The following C6orf163 variants were observed in gnomAD, a reference collection of about 807,000 sequenced individuals.
C6orf163 encodes chromosome 6 open reading frame 163.
In C6orf163, 22 loss-of-function variants were observed where a neutral mutation model predicts 28.4. The observed-to-expected ratio is 0.78, with a 90% CI of 0.55 to 1.11. C6orf163 has a LOEUF of 1.11. Ranked by LOEUF, C6orf163 falls within the 50% of genes least tolerant of loss-of-function variation. C6orf163 has a pLI of 0.00. For missense variants in C6orf163, 342 were observed against 389.1 expected (o/e 0.88, Z 1.02); for synonymous variants, 110 against 123.6 (o/e 0.89, Z 0.73).
chr6:87,365,253 C>G lies in C6orf163; in HGVS notation c.847C>G (p.Gln283Glu), dbSNP rs929634763. 5.2e-6 allele frequency: 8 copies of G among 1,551,568 alleles called. No homozygotes were observed. In the African/African-American group the frequency reaches 1.1e-4, roughly 21 times the overall value. Residue 283 changes from glutamine (Q) to glutamate (E), a missense_variant, in exon 5 of 5, where the codon CAG becomes GAG. Coordinates refer to ENST00000388923, the MANE Select transcript of C6orf163 (RefSeq NM_001010868.3). Reference protein sequence around the residue: ...NWKDFLEEELQETRMAFQKYI... With the variant: ...NWKDFLEEELEETRMAFQKYI... ...GAAAGATTTCCTAGAGGAGGAATTA[C>G]AGGAAACCAGGATGGCATTTCAAAA...
chr6:87,352,146 A>G (rs1777424535), intron 3 of C6orf163, among the ~76,000 whole-genome samples: 1 of 152,126 alleles, frequency 6.6e-6, no homozygotes, highest in African/African-American at 2.4e-5. Flanking sequence ...CATTTATACC[A>G]CCATTTCAGA....
chr6:87,349,015 G>A (rs1777372936), intron 2 of C6orf163, 109 bp downstream of exon 2: 1 of 1,379,276 alleles, frequency 7.3e-7, no homozygotes, highest in African/African-American at 1.5e-5. Context: ...CTGAATCCTG[G>A]CTAGCTGTGG....
Position 87,365,231 on chromosome 6 carries a change from A to G in C6orf163, c.825A>G (p.Lys275=), listed in dbSNP as rs1323143319. The change falls in exon 5 of 5, where the codon AAA becomes AAG. Residue 275 remains lysine, a synonymous_variant. Transcript: ENST00000388923. ...AKQLGIMTNW[K]DFLEEELQET... is the part of the protein sequence containing the mutation. ...AACTGGGAATCATGACAAATTGGAAAGATTTCCTAGAGGAGGAATTACAGG... is the reference window on the plus strand; with the variant it reads ...AACTGGGAATCATGACAAATTGGAAGGATTTCCTAGAGGAGGAATTACAGG... 1 of 1,551,752 alleles carries G rather than the reference A, an allele frequency of 6.4e-7. No homozygotes were observed. Among genetic ancestry groups the G allele is most frequent in the Admixed American group, 2.0e-5 (1 of 51,008 alleles).
intron 4 of C6orf163, among the ~76,000 whole-genome samples, chr6:87,361,515 GC>G (rs1777580345): frequency 6.6e-6 from 1 of 152,140 alleles, no homozygotes; most frequent in Non-Finnish European, 1.5e-5. Context: ...AGGAAAGTCA[GC>G]CCCACCTGGC....
chr6:87,364,493 G>T (rs1211226611), intron 4 of C6orf163, among the ~76,000 whole-genome samples: 4 of 152,084 alleles, frequency 2.6e-5, no homozygotes, highest in African/African-American at 9.7e-5. Flanking sequence ...CAAAAAGCTT[G>T]AGGTGACTGT....
chr6:87,350,923 C>T (rs1777402950), intron 3 of C6orf163, among the ~76,000 whole-genome samples: 2 of 152,236 alleles, frequency 1.3e-5, no homozygotes, highest in South Asian at 4.1e-4. Flanking sequence ...AATTCCCTGA[C>T]TTAGTAGGTG....
intron 3 of C6orf163, among the ~76,000 whole-genome samples, chr6:87,351,759 G>A (rs922750169): frequency 6.6e-6 from 1 of 152,162 alleles, no homozygotes; most frequent in Admixed American, 6.5e-5. Flanking sequence ...GGTCACCCTG[G>A]TTGCTTCCCC....
In C6orf163 at chr6:87,365,186, G is replaced by A. The variant is rs41273289; in HGVS notation, c.780G>A (p.Glu260=). ...ATAAACTGGCTAACACCCAGGGGGA[G>A]CTGCTGTCTATAGCAAAACAACTGG... ...MMDKLANTQG[E]LLSIAKQLGI... Residue 260 remains glutamate, a synonymous_variant, in exon 5 of 5, where the codon GAG becomes GAA. Coordinates refer to ENST00000388923, the MANE Select transcript of C6orf163 (RefSeq NM_001010868.3). 16,039 of 1,551,732 alleles carry A rather than the reference G, an allele frequency of 0.01. 1,377 individuals carry two copies. In the African/African-American group the frequency reaches 0.18, roughly 18 times the overall value.
At chr6:87,346,496 A>G (rs1052510318) in intron 1 of C6orf163, among the ~76,000 whole-genome samples, 2 of 152,190 alleles carry the variant, frequency 1.3e-5, no homozygotes, top group Non-Finnish European at 2.9e-5. Context: ...CCTTAAGTGG[A>G]TAAGTTAAAT....
At position 87,356,388 on chromosome 6, in the gene C6orf163, G is replaced by A. The variant is rs549899195; in HGVS notation, c.439G>A (p.Val147Ile). ...GCACTTGGCTGCAGAACAGCGCATG[G>A]TCCACAGAATCCAAAGGATTATGAT... ...REHLAAEQRMVHRIQRIMMEC... is the reference protein window; with the variant it reads ...REHLAAEQRMIHRIQRIMMEC... Residue 147 changes from valine to isoleucine, a missense_variant, in exon 4 of 5, where the codon GTC becomes ATC. By Grantham distance (29) the Val-to-Ile change is conservative (BLOSUM62 3). Coordinates refer to ENST00000388923, the MANE Select transcript of C6orf163 (RefSeq NM_001010868.3). The A allele has an allele frequency of 2.6e-6, 4 of 1,551,728 alleles. No individual in the cohort carries two copies. The highest frequency in any genetic ancestry group is 2.7e-5 in the African/African-American group (2 of 73,178).
chr6:87,344,958 T>A lies in C6orf163; in HGVS notation c.-142T>A. The stretch of plus-strand genomic sequence containing the variant: ...CCACAGCCTAATCACTTGAACCATT[T>A]AATCCTTACCAGCCTCTAGCATTAT... On this transcript the variant is annotated 5_prime_UTR_variant, in exon 1 of 5. Transcript: ENST00000388923. 3.1e-6 allele frequency: 2 copies of A among 649,604 alleles called. No homozygotes were observed. Among genetic ancestry groups the A allele is most frequent in the Non-Finnish European group, 5.1e-6 (2 of 388,622 alleles). The allele number at this position is 649,604 out of a possible 1,614,324, so 40.2% of individuals were successfully genotyped here. A position where few individuals can be genotyped will look rare whatever the true frequency, so the allele number is the denominator to read the frequency against.
Position 87,350,412 on chromosome 6 carries a change from C to A in C6orf163, c.262C>A (p.Gln88Lys). 6.5e-7 allele frequency: 1 copy of A among 1,532,618 alleles called. No homozygotes were observed. Among genetic ancestry groups the A allele is most frequent in the Non-Finnish European group, 8.7e-7 (1 of 1,144,380 alleles). The allele number at this position is 1,532,618 out of a possible 1,614,324, so 94.9% of individuals were successfully genotyped here. Residue 88 changes from glutamine (Q) to lysine (K), a missense_variant, in exon 3 of 5, where the codon CAA becomes AAA. Coordinates refer to ENST00000388923, the MANE Select transcript of C6orf163 (RefSeq NM_001010868.3). ...VWAQANERQK[Q>K]AVEKALEEAN... ...TTCAAAGGCTAATGAACGTCAAAAA[C>A]AAGCAGTGGAGAAAGCACTTGAAGA...
At chr6:87,358,619 A>ATT (rs2127934468) in intron 4 of C6orf163, 1 of 50,006 alleles carries the variant, frequency 2.0e-5, no homozygotes, top group African/African-American at 5.8e-5. Context: ...AAAAAAAAAA[A>ATT]TCTGTTTGTA....
At chr6:87,352,141 A>T (rs1292383908) in intron 3 of C6orf163, among the ~76,000 whole-genome samples, 1 of 152,210 alleles carries the variant, frequency 6.6e-6, no homozygotes, top group African/African-American at 2.4e-5. Context: ...ATTTACATTT[A>T]TACCACCATT....
chr6:87,365,035 T>A lies in C6orf163; in HGVS notation c.629T>A (p.Met210Lys). The change falls in exon 5 of 5, where the codon ATG becomes AAG. Residue 210 changes from methionine (M) to lysine (K), a missense_variant. Coordinates refer to ENST00000388923, the MANE Select transcript of C6orf163 (RefSeq NM_001010868.3). ...GAGAAGACCAGTGTGGCCCGACTGA[T>A]GAGGGAAAAAGAACATGAAATGAGC... ...KDEKTSVARL[M>K]REKEHEMSIL... The A allele has an allele frequency of 1.3e-6, 2 of 1,551,632 alleles. No individual in the cohort carries two copies. The highest frequency in any genetic ancestry group is 1.7e-6 in the Non-Finnish European group (2 of 1,146,956).
chr6:87,361,272 G>C (rs950567149), intron 4 of C6orf163, among the ~76,000 whole-genome samples: 2 of 151,936 alleles, frequency 1.3e-5, no homozygotes, highest in Non-Finnish European at 1.5e-5. Context: ...CAACAGAGTG[G>C]GACCCTGTTT....
At chr6:87,361,189 G>A (rs1171765259) in intron 4 of C6orf163, among the ~76,000 whole-genome samples, 2 of 152,282 alleles carry the variant, frequency 1.3e-5, no homozygotes, top group Middle Eastern at 3.4e-3. Context: ...GGAGGCTGAG[G>A]TGGGAGGATT....
chr6:87,345,120 C>T lies in C6orf163; in HGVS notation c.21C>T (p.Tyr7=), dbSNP rs1233630339. Reference sequence around the variant, plus strand: ...TAACTATGATCAGAAATTCAGATTACAAAAACTTTGTTTGCTGTGCTGTTT... The same window carrying T: ...TAACTATGATCAGAAATTCAGATTATAAAAACTTTGTTTGCTGTGCTGTTT... MIRNSD[Y]KNFVCCAVCN... is the part of the protein sequence containing the mutation. Residue 7 remains tyrosine, a synonymous_variant, in exon 1 of 5, where the codon TAC becomes TAT. Transcript: ENST00000388923. The T allele has an allele frequency of 7.2e-6, 11 of 1,530,306 alleles. No homozygotes were observed. Among genetic ancestry groups the T allele is most frequent in the South Asian group, 1.2e-5 (1 of 82,092 alleles). 94.8% of individuals were successfully genotyped at this position (1,530,306 alleles called of 1,614,324 possible). A position where few individuals can be genotyped will look rare whatever the true frequency, so the allele number is the denominator to read the frequency against.
rs1444666614 is a variant in C6orf163 at position 87,356,448 on chromosome 6, A to G, written c.499A>G (p.Lys167Glu). Reference protein sequence around the residue: ...CHREKVEAVEKARAEERHIAQ... With the variant: ...CHREKVEAVEEARAEERHIAQ... ...CAGAGAGAAGGTCGAAGCTGTGGAG[A>G]AAGCCAGGGCTGAAGAAAGACACAT... is the stretch of plus-strand genomic sequence containing the variant. The change falls in exon 4 of 5, where the codon AAA becomes GAA. Residue 167 changes from lysine (K) to glutamate (E), a missense_variant. By Grantham distance (56) the Lys-to-Glu change is moderately conservative. Coordinates refer to ENST00000388923, the MANE Select transcript of C6orf163 (RefSeq NM_001010868.3). The G allele has an allele frequency of 1.9e-6, 3 of 1,551,820 alleles. No homozygotes were observed.
Sources: allele counts gnomAD v4.1 joint callset (sites outside exome capture counted in the v4.1 genomes callset), GRCh38; gene constraint gnomAD v4.1.1; transcripts MANE v1.5; gene names NCBI Gene and HGNC (gene_info 2026-07-23, HGNC 2026-07-21).